DGKI: variants seen among roughly 807,000 people sequenced by gnomAD.
DGKI encodes diacylglycerol kinase iota, also known as DAG kinase iota.
Under a neutral mutation model 147.5 loss-of-function variants are expected in DGKI, and 55 were observed. The observed-to-expected ratio is 0.37, with a 90% CI of 0.30 to 0.47. DGKI has a LOEUF of 0.47. Ranked by LOEUF, DGKI falls within the 20% of genes least tolerant of loss-of-function variation. The probability of loss-of-function intolerance (pLI) is 1.00; values close to 1 mark genes in which losing one functional copy is unlikely to be tolerated. For missense variants in DGKI, 1,007 were observed against 1,323.8 expected (o/e 0.76, Z 3.71); for synonymous variants, 469 against 477.1 (o/e 0.98, Z 0.22).
At chr7:137,557,492 G>T (rs1818265549) in intron 19 of DGKI, among the ~76,000 whole-genome samples, 1 of 152,128 alleles carries the variant, frequency 6.6e-6, no homozygotes, top group Non-Finnish European at 1.5e-5. Context: ...AGCCAAAGAG[G>T]CTGGGAATAT....
At chr7:137,398,283 T>C (rs1199864762) in intron 30 of DGKI, among the ~76,000 whole-genome samples, 1 of 152,188 alleles carries the variant, frequency 6.6e-6, no homozygotes, top group Non-Finnish European at 1.5e-5. Flanking sequence ...ATGATACTGA[T>C]CATGACACGT....
intron 20 of DGKI, among the ~76,000 whole-genome samples, chr7:137,549,409 G>A (rs754858711): frequency 7.9e-5 from 12 of 152,150 alleles, no homozygotes; most frequent in South Asian, 2.1e-4. Flanking sequence ...CTTACGTCTC[G>A]AATATCCAAT....
chr7:137,577,651 T>G (rs1271468462), intron 16 of DGKI, among the ~76,000 whole-genome samples: 1 of 152,216 alleles, frequency 6.6e-6, no homozygotes, highest in Non-Finnish European at 1.5e-5. Context: ...TTCACAGGGT[T>G]TGACTTCCAT....
intron 1 of DGKI, among the ~76,000 whole-genome samples, chr7:137,713,727 A>G (rs1794285505): frequency 6.6e-6 from 1 of 152,062 alleles, no homozygotes; most frequent in African/African-American, 2.4e-5. Flanking sequence ...CTGCAGCCTC[A>G]AATTCCTAGG....
At chr7:137,400,014 G>A (rs530003469) in intron 30 of DGKI, among the ~76,000 whole-genome samples, 66 of 152,252 alleles carry the variant, frequency 4.3e-4, no homozygotes, top group Admixed American at 1.0e-3. Context: ...ATAGCATGAA[G>A]TGTCCTATTC....
At chr7:137,429,621 A>G (rs1316292896) in intron 28 of DGKI, among the ~76,000 whole-genome samples, 1 of 152,044 alleles carries the variant, frequency 6.6e-6, no homozygotes, top group African/African-American at 2.4e-5. Flanking sequence ...CAGGTAACCT[A>G]CAAAATGGGA....
intron 1 of DGKI, among the ~76,000 whole-genome samples, chr7:137,746,373 A>G (rs143037478): frequency 6.6e-6 from 1 of 152,298 alleles, no homozygotes; most frequent in African/African-American, 2.4e-5. Context: ...CAATCTGGAT[A>G]GGCTATTGGT....
At position 137,567,767 on chromosome 7, in the gene DGKI, T is replaced by G. The variant is rs1818639201; in HGVS notation, c.1947+3408A>C. ...ATATTCAGGTACTATTATTTTCATT[T>G]TTTTAAATAATATACTGTTATTGTG... is the stretch of plus-strand genomic sequence containing the variant. On this transcript the variant is annotated intron_variant, in intron 19 of 32. Transcript: ENST00000614521. Among the ~76,000 whole-genome samples, 5 of 152,244 alleles carry G rather than the reference T, an allele frequency of 3.3e-5. No individual in the cohort carries two copies. The South Asian group carries it at 1.0e-3, about 31-fold the overall frequency.
chr7:137,620,272 A>C (rs1443667763), intron 7 of DGKI, among the ~76,000 whole-genome samples: 1 of 152,152 alleles, frequency 6.6e-6, no homozygotes, highest in East Asian at 1.9e-4. Flanking sequence ...TGCATGGAAT[A>C]TTTACTTAAA....
chr7:137,700,973 CA>C (rs2116510762), intron 1 of DGKI, among the ~76,000 whole-genome samples: 1 of 152,204 alleles, frequency 6.6e-6, no homozygotes, highest in Non-Finnish European at 1.5e-5. Context: ...GGCAGAGCCA[CA>C]AAGAGAAGTC....
chr7:137,691,140 C>T (rs758031322), intron 1 of DGKI, among the ~76,000 whole-genome samples: 4 of 152,146 alleles, frequency 2.6e-5, no homozygotes, highest in Non-Finnish European at 5.9e-5. Context: ...CAGGAAGCTG[C>T]ATTTACACAC....
rs760506656 is a variant in DGKI at position 137,387,457 on chromosome 7, T to C, written c.*3763A>G. On this transcript the variant is annotated 3_prime_UTR_variant, in exon 33 of 33. Transcript: ENST00000614521. ...TGCCTACTGGTGTTCACTAGACATATACAAATGATCAGCATGCTTTTAAAA... is the reference window on the plus strand; with the variant it reads ...TGCCTACTGGTGTTCACTAGACATACACAAATGATCAGCATGCTTTTAAAA... The C allele has an allele frequency of 1.3e-5, 2 of 152,188 alleles. No individual in the cohort carries two copies. The highest frequency in any genetic ancestry group is 2.9e-5 in the Non-Finnish European group (2 of 68,038). 9.4% of individuals were successfully genotyped at this position (152,188 alleles called of 1,614,324 possible). A position where few individuals can be genotyped will look rare whatever the true frequency, so the allele number is the denominator to read the frequency against.
chr7:137,398,409 A>C (rs1380450723), intron 30 of DGKI, among the ~76,000 whole-genome samples: 18 of 152,174 alleles, frequency 1.2e-4, no homozygotes, highest in Admixed American at 1.2e-3. Context: ...CTTGGTGTCT[A>C]GTGTAGAGCC....
chr7:137,841,727 C>G (rs1423847783), intron 1 of DGKI, among the ~76,000 whole-genome samples: 1 of 152,154 alleles, frequency 6.6e-6, no homozygotes, highest in Non-Finnish European at 1.5e-5. Context: ...GACGAACATA[C>G]AGGGTGTAGA....
intron 2 of DGKI, among the ~76,000 whole-genome samples, chr7:137,681,959 C>G (rs1003769100): frequency 1.3e-5 from 2 of 152,242 alleles, no homozygotes; most frequent in African/African-American, 4.8e-5. Context: ...CTCTGGACAT[C>G]AAGGTTCGAA....
intron 1 of DGKI, among the ~76,000 whole-genome samples, chr7:137,792,940 T>G (rs1052457626): frequency 3.3e-5 from 5 of 152,232 alleles, no homozygotes; most frequent in African/African-American, 1.2e-4. Context: ...TTACCCAGTC[T>G]CAGGTATTCC....
intron 1 of DGKI, among the ~76,000 whole-genome samples, chr7:137,765,831 A>G (rs1341268452): frequency 6.6e-6 from 1 of 152,098 alleles, no homozygotes; most frequent in Non-Finnish European, 1.5e-5. Context: ...CAACCTTCCC[A>G]CTGGCTAAAG....
Position 137,388,330 on chromosome 7 carries a change from T to C in DGKI, c.*2890A>G, listed in dbSNP as rs1811241537. The C allele has an allele frequency of 6.6e-6, 1 of 152,174 alleles. No individual in the cohort carries two copies. The highest frequency in any genetic ancestry group is 2.4e-5 in the African/African-American group (1 of 41,448). The allele number at this position is 152,174 out of a possible 1,614,324, so 9.4% of individuals were successfully genotyped here. A position where few individuals can be genotyped will look rare whatever the true frequency, so the allele number is the denominator to read the frequency against. ...TTACAGAATGTTGTCTTTTAATAACTCTTCATTTTCCATTCCTCTATCAAC... is the reference window on the plus strand; with the variant it reads ...TTACAGAATGTTGTCTTTTAATAACCCTTCATTTTCCATTCCTCTATCAAC... On this transcript the variant is annotated 3_prime_UTR_variant, in exon 33 of 33. Coordinates refer to ENST00000614521, the MANE Select transcript of DGKI (RefSeq NM_001321708.2).
intron 3 of DGKI, among the ~76,000 whole-genome samples, chr7:137,671,437 T>A (rs1374462177): frequency 3.3e-5 from 5 of 152,208 alleles, no homozygotes; most frequent in African/African-American, 1.2e-4. Flanking sequence ...GTTGGAATCA[T>A]CCCAAATATA....
Sources: allele counts gnomAD v4.1 joint callset (sites outside exome capture counted in the v4.1 genomes callset), GRCh38; gene constraint gnomAD v4.1.1; transcripts MANE v1.5; gene names NCBI Gene and HGNC (gene_info 2026-07-23, HGNC 2026-07-21).